The following COL28A1 variants were observed in gnomAD, a reference collection of about 807,000 sequenced individuals.
The protein encoded by COL28A1 is collagen type XXVIII alpha 1 chain, also known as collagen alpha-1(XXVIII) chain.
COL28A1 carries 161 observed loss-of-function variants against 150.2 expected under a neutral mutation model. The ratio of observed to expected loss-of-function variants is 1.07; its 90% CI spans 0.94 to 1.22. COL28A1 has a LOEUF of 1.22. Among genes scored for constraint, COL28A1 ranks in the 50% most tolerant of loss-of-function variants. COL28A1 has a pLI of 0.00. For synonymous variants in COL28A1, 552 were observed against 469.7 expected (o/e 1.18, Z -2.26); for missense variants, 1,617 against 1,388.3 (o/e 1.16, Z -2.62).
In COL28A1 at chr7:7,501,677, T is replaced by C. The variant is rs143246079; in HGVS notation, c.1026+4337A>G. Reference sequence around the variant, plus strand: ...CCTACCAATCATAAGCCATTCTTCCTAGTAATTAAAGGCCTTTTTCAAGGG... The same window carrying C: ...CCTACCAATCATAAGCCATTCTTCCCAGTAATTAAAGGCCTTTTTCAAGGG... On this transcript the variant is annotated intron_variant, in intron 11 of 34. Transcript: ENST00000399429. 2.7e-4 allele frequency among the ~76,000 whole-genome samples: 41 copies of C among 152,298 alleles called. 1 individual carries two copies. The highest frequency in any genetic ancestry group is 8.2e-4 in the African/African-American group (34 of 41,554).
At chr7:7,440,208 A>G (rs1458933570) in intron 21 of COL28A1, among the ~76,000 whole-genome samples, 1 of 152,010 alleles carries the variant, frequency 6.6e-6, no homozygotes, top group Non-Finnish European at 1.5e-5. Flanking sequence ...TTCCCATTTC[A>G]CCATATTGAT....
chr7:7,423,058 G>T (rs887333263), intron 25 of COL28A1, among the ~76,000 whole-genome samples: 1 of 152,200 alleles, frequency 6.6e-6, no homozygotes, highest in Admixed American at 6.5e-5. Context: ...AAATGTGAAT[G>T]CTGGATATTT....
At chr7:7,514,751 A>G (rs919580971) in intron 8 of COL28A1, among the ~76,000 whole-genome samples, 1 of 152,122 alleles carries the variant, frequency 6.6e-6, no homozygotes, top group African/African-American at 2.4e-5. Flanking sequence ...CCTGGCCCCA[A>G]CTTCCCTTCC....
rs138811881 is a variant in COL28A1, at chr7:7,458,158, T to C, written c.1303-2046A>G. Reference sequence around the variant, plus strand: ...TTTGCTGGGCGCCGTGGCTCACGCCTATAATCCCAGCACTTTGGGAGGCAG... The same window carrying C: ...TTTGCTGGGCGCCGTGGCTCACGCCCATAATCCCAGCACTTTGGGAGGCAG... On this transcript the variant is annotated intron_variant, in intron 15 of 34. Transcript: ENST00000399429. 1.9e-3 allele frequency among the ~76,000 whole-genome samples: 293 copies of C among 152,322 alleles called. 1 individual carries two copies. The highest frequency in any genetic ancestry group is 6.8e-3 in the African/African-American group (283 of 41,572).
intron 27 of COL28A1, among the ~76,000 whole-genome samples, chr7:7,413,520 C>T (rs750008808): frequency 4.6e-5 from 7 of 152,162 alleles, no homozygotes; most frequent in Non-Finnish European, 8.8e-5. Flanking sequence ...ACCAATAAAA[C>T]CTGAGCAGAG....
intron 13 of COL28A1, among the ~76,000 whole-genome samples, chr7:7,484,850 A>T (rs1487011769): frequency 6.6e-6 from 1 of 152,172 alleles, no homozygotes; most frequent in South Asian, 2.1e-4. Context: ...TGGAGCTAGA[A>T]GCGCTTATCC....
At chr7:7,429,106 T>C (rs1447587796) in intron 25 of COL28A1, among the ~76,000 whole-genome samples, 4 of 152,238 alleles carry the variant, frequency 2.6e-5, no homozygotes, top group Admixed American at 2.0e-4. Flanking sequence ...TTTCCTCATT[T>C]CAAAACACAT....
chr7:7,542,041 G>T, the COL28A1 span, among the ~76,000 whole-genome samples: 16 of 152,302 alleles, frequency 1.1e-4, no homozygotes, highest in South Asian at 2.9e-3. Flanking sequence ...AACTTACTTT[G>T]AAATGCATCA....
rs368678620 is a variant in COL28A1 at position 7,478,893 on chromosome 7, A to G, written c.1165-1713T>C. On this transcript the variant is annotated intron_variant, in intron 13 of 34. Coordinates refer to ENST00000399429, the MANE Select transcript of COL28A1 (RefSeq NM_001037763.3). ...GAATTCTAGCTGGCCTGCAAGCGCC[A>G]GGCAGCCCTGGTTCCACCCGTGCCT... Among the ~76,000 whole-genome samples, 709 of 152,348 alleles carry G rather than the reference A, an allele frequency of 4.7e-3. 5 individuals carry two copies. Among genetic ancestry groups the G allele is most frequent in the East Asian group, 0.022 (115 of 5,172 alleles).
Position 7,373,323 on chromosome 7 carries a change from G to C in COL28A1, c.2583C>G (p.Phe861Leu), listed in dbSNP as rs1781337124. The C allele has an allele frequency of 6.2e-7, 1 of 1,614,168 alleles. No individual in the cohort carries two copies. Among genetic ancestry groups the C allele is most frequent in the Non-Finnish European group, 8.5e-7 (1 of 1,180,034 alleles). ...NLKQFSSKDD[F>L]KLAVDNMQYL... The stretch of plus-strand genomic sequence containing the variant: ...ACTGCATGTTGTCCACAGCCAACTT[G>C]AAGTCATCCTTGCTGGAGAACTGCT... Residue 861 changes from phenylalanine to leucine, a missense_variant, in exon 32 of 35, where the codon TTC becomes TTG. Phe to Leu is a conservative substitution (Grantham distance 22). Coordinates refer to ENST00000399429, the MANE Select transcript of COL28A1 (RefSeq NM_001037763.3). The surrounding 1 kb of genome is among the most constrained non-coding windows in gnomAD (Gnocchi z 4.1).
Position 7,522,806 on chromosome 7 carries a change from C to CAAAAAAAAAAA in COL28A1, c.703-856_703-846dup, listed in dbSNP as rs200294353. On this transcript the variant is annotated intron_variant, in intron 4 of 34. Coordinates refer to ENST00000399429, the MANE Select transcript of COL28A1 (RefSeq NM_001037763.3). ...ACTAACACTAACGATAGCTGAAGAG[C>CAAAAAAAAAAA]AAAAAAAAAAAAAAAAAAAAAAAAA... Among the ~76,000 whole-genome samples, 313 of 93,114 alleles carry CAAAAAAAAAAA rather than the reference C, an allele frequency of 3.4e-3. 18 individuals carry two copies. The highest frequency in any genetic ancestry group is 4.0e-3 in the East Asian group (13 of 3,248). The allele number at this position is 93,114 out of a possible 152,430, so 61.1% of individuals were successfully genotyped here. A position where few individuals can be genotyped will look rare whatever the true frequency, so the allele number is the denominator to read the frequency against.
At chr7:7,342,889 A>G in the COL28A1 span, among the ~76,000 whole-genome samples, 3 of 152,002 alleles carry the variant, frequency 2.0e-5, no homozygotes, top group Non-Finnish European at 2.9e-5. Context: ...CCTTCTGCCT[A>G]AAGAATCCTT....
chr7:7,501,449 C>A (rs1328364433), intron 11 of COL28A1, among the ~76,000 whole-genome samples: 3 of 152,118 alleles, frequency 2.0e-5, no homozygotes, highest in Non-Finnish European at 4.4e-5. Flanking sequence ...ACTGTGCAGT[C>A]CCTCCTCCCA....
chr7:7,531,824 C>CT lies in COL28A1; in HGVS notation c.204dup (p.Asp69ArgfsTer5). The stretch of plus-strand genomic sequence containing the variant: ...TTGTCACTCAAGCTATCCACAAAAT[C>CT]TTTCTGTTTATCAAAGAGGGCAATT... On this transcript the variant is annotated frameshift_variant, in exon 3 of 35. Transcript: ENST00000399429. LOFTEE classifies it high-confidence loss of function. 6.2e-7 allele frequency: 1 copy of CT among 1,606,144 alleles called. No homozygotes were observed. Among genetic ancestry groups the CT allele is most frequent in the Non-Finnish European group, 8.5e-7 (1 of 1,172,766 alleles).
In COL28A1 at chr7:7,475,474, G is replaced by T. The variant is rs146182335; in HGVS notation, c.1234-805C>A. Among the ~76,000 whole-genome samples, 4 of 152,278 alleles carry T rather than the reference G, an allele frequency of 2.6e-5. No individual in the cohort carries two copies. The East Asian group carries it at 7.7e-4, about 29-fold the overall frequency. On this transcript the variant is annotated intron_variant, in intron 14 of 34. Transcript: ENST00000399429. ...ACTGCATATACTTGATCCTAAAGCAGCACGGAACACGATGTGTTCTTTCTT... is the reference window on the plus strand; with the variant it reads ...ACTGCATATACTTGATCCTAAAGCATCACGGAACACGATGTGTTCTTTCTT...
intron 15 of COL28A1, among the ~76,000 whole-genome samples, chr7:7,473,878 ATAGT>A (rs1482912440): frequency 6.0e-5 from 9 of 151,110 alleles, no homozygotes; most frequent in Admixed American, 1.3e-4. Context: ...GTGTTTATAT[ATAGT>A]GTGTGTTTGT....
At chr7:7,492,962 T>A (rs868244837) in intron 11 of COL28A1, among the ~76,000 whole-genome samples, 38 of 148,758 alleles carry the variant, frequency 2.6e-4, no homozygotes, top group Non-Finnish European at 3.9e-4. Context: ...ATATGTTACA[T>A]AATATATGTA....
At chr7:7,460,858 A>G (rs770778528) in intron 15 of COL28A1, among the ~76,000 whole-genome samples, 2 of 152,236 alleles carry the variant, frequency 1.3e-5, no homozygotes, top group Non-Finnish European at 2.9e-5. Context: ...ATCCTACATA[A>G]TAACACACCT....
intron 20 of COL28A1, 40 bp downstream of exon 20, chr7:7,443,545 A>C: frequency 6.2e-7 from 1 of 1,612,356 alleles, no homozygotes; most frequent in Non-Finnish European, 8.5e-7. Flanking sequence ...TATGAGGACC[A>C]GAACACAGGC....
Sources: gnomAD v4.1 joint callset for allele counts (sites outside exome capture counted in the v4.1 genomes callset) on GRCh38, gnomAD v4.1.1 for gene constraint, Gnocchi (gnomAD v3.1) non-coding constraint, MANE v1.5 for transcripts, NCBI Gene and HGNC (gene_info 2026-07-23, HGNC 2026-07-21) for gene names.